The following CSPP1 variants were observed in gnomAD, a reference collection of about 807,000 sequenced individuals.
CSPP1 encodes the protein centrosome and spindle pole associated protein 1.
CSPP1 carries 126 observed loss-of-function variants against 164.4 expected under a neutral mutation model. The ratio of observed to expected loss-of-function variants is 0.77; its 90% CI spans 0.66 to 0.89. The LOEUF (loss-of-function observed/expected upper bound fraction) is 0.89. Ranked by LOEUF, CSPP1 falls within the 40% of genes least tolerant of loss-of-function variation. CSPP1 has a pLI of 0.00. For missense variants in CSPP1, 1,395 were observed against 1,449.8 expected, an observed-to-expected ratio of 0.96 and a Z score of 0.61; for synonymous variants, 472 against 476.7, an observed-to-expected ratio of 0.99 and a Z score of 0.13.
intron 9 of CSPP1, among the ~76,000 whole-genome samples, chr8:67,106,633 A>C (rs905253248): frequency 6.6e-6 from 1 of 152,182 alleles, no homozygotes; most frequent in African/African-American, 2.4e-5. Context: ...TTGTTTTGCT[A>C]TATTACACTT....
intron 3 of CSPP1, among the ~76,000 whole-genome samples, chr8:67,079,234 G>A (rs912658473): frequency 7.2e-5 from 11 of 152,054 alleles, no homozygotes; most frequent in Non-Finnish European, 1.3e-4. Flanking sequence ...GTTCTATTGC[G>A]AACTTGACCC....
chr8:67,118,246 A>G lies in CSPP1; in HGVS notation c.1497-2A>G. On this transcript the variant is annotated splice_acceptor_variant, in intron 13 of 30. Transcript: ENST00000678616. LOFTEE classifies it high-confidence loss of function. ...GAATTTTTCATCTTTCTTTTCATAC[A>G]GGATTGCACCTCTGCCTCCACCTCC... 6.2e-7 allele frequency: 1 copy of G among 1,612,294 alleles called. No homozygotes were observed. The highest frequency in any genetic ancestry group is 8.5e-7 in the Non-Finnish European group (1 of 1,179,204).
intron 15 of CSPP1, 36 bp from the exon 16 acceptor site, chr8:67,131,915 A>C: frequency 6.5e-7 from 1 of 1,541,282 alleles, no homozygotes; most frequent in Non-Finnish European, 8.8e-7. Context: ...CTTTGTCGTC[A>C]ATGGATTTAA....
At chr8:67,099,029 G>A (rs1813455556) in intron 7 of CSPP1, among the ~76,000 whole-genome samples, 1 of 151,356 alleles carries the variant, frequency 6.6e-6, no homozygotes, top group Non-Finnish European at 1.5e-5. Context: ...CCTATACCTG[G>A]TTTCTTTGGG....
chr8:67,135,711 CT>C (rs1354672327), intron 16 of CSPP1: 2 of 152,204 alleles, frequency 1.3e-5, no homozygotes, highest in African/African-American at 4.8e-5. Context: ...CATATGTTTA[CT>C]GGAGTGGCAC....
intron 3 of CSPP1, 91 bp from the exon 4 acceptor site, chr8:67,085,916 T>G: frequency 1.4e-6 from 1 of 698,662 alleles, no homozygotes; most frequent in Non-Finnish European, 2.6e-6. Context: ...TAAGCATAAT[T>G]CTGTTCCTTC....
intron 28 of CSPP1, among the ~76,000 whole-genome samples, chr8:67,184,965 AAGG>A (rs1322747425): frequency 1.4e-5 from 2 of 146,546 alleles, no homozygotes. Context: ...AAAAAAAAAA[AAGG>A]TGGTGGGCAC....
chr8:67,094,579 G>A (rs949316717), intron 6 of CSPP1, among the ~76,000 whole-genome samples: 1 of 151,708 alleles, frequency 6.6e-6, no homozygotes, highest in Non-Finnish European at 1.5e-5. Context: ...GCCACAGAAA[G>A]GTAAAATTTT....
intron 7 of CSPP1, among the ~76,000 whole-genome samples, chr8:67,098,060 A>G (rs868506616): frequency 6.6e-6 from 1 of 151,400 alleles, no homozygotes; most frequent in East Asian, 1.9e-4. Context: ...CAAAAAAAAA[A>G]AAAAGACCAG....
intron 7 of CSPP1, among the ~76,000 whole-genome samples, chr8:67,102,319 G>A (rs893354590): frequency 2.6e-5 from 4 of 152,130 alleles, no homozygotes; most frequent in South Asian, 2.1e-4. Context: ...ATGACAGGTC[G>A]CGGTGGCTCA....
intron 17 of CSPP1, 28 bp downstream of exon 17, chr8:67,137,631 A>C: frequency 1.4e-6 from 2 of 1,422,520 alleles, no homozygotes; most frequent in South Asian, 3.1e-5. Flanking sequence ...ACTTGTTTTT[A>C]AAATAAGCTA....
chr8:67,121,382 T>C (rs1465881595), intron 15 of CSPP1, among the ~76,000 whole-genome samples: 1 of 152,206 alleles, frequency 6.6e-6, no homozygotes, highest in Non-Finnish European at 1.5e-5. Flanking sequence ...GTTTTAACGA[T>C]GCAAGTGTTA....
intron 29 of CSPP1, among the ~76,000 whole-genome samples, chr8:67,191,523 G>T (rs907239525): frequency 1.3e-5 from 2 of 152,172 alleles, no homozygotes; most frequent in Non-Finnish European, 2.9e-5. Flanking sequence ...GTATAAATGA[G>T]ATCATACACT....
At chr8:67,109,329 GT>G (rs1162794168) in intron 9 of CSPP1, among the ~76,000 whole-genome samples, 1 of 152,152 alleles carries the variant, frequency 6.6e-6, no homozygotes, top group Admixed American at 6.6e-5. Context: ...CCTCACCATG[GT>G]TACTCACTTT....
At chr8:67,149,184 T>A (rs1325582838) in intron 17 of CSPP1, among the ~76,000 whole-genome samples, 1 of 152,208 alleles carries the variant, frequency 6.6e-6, no homozygotes, top group East Asian at 1.9e-4. Flanking sequence ...GGCAGTTGGC[T>A]TTCTTCAGAG....
chr8:67,104,967 T>TATATATATATATATATATA (rs61548979), intron 8 of CSPP1, among the ~76,000 whole-genome samples: 2 of 87,642 alleles, frequency 2.3e-5, no homozygotes, highest in African/African-American at 6.1e-5. Context: ...TATATATATA[T>TATATATATATATATATATA]TTTTTTTTTT....
chr8:67,115,757 T>C lies in CSPP1; in HGVS notation c.1288-157T>C, dbSNP rs1214532432. Among the ~76,000 whole-genome samples, 3 of 152,132 alleles carry C rather than the reference T, an allele frequency of 2.0e-5. No individual in the cohort carries two copies. In the East Asian group the frequency reaches 5.8e-4, roughly 29 times the overall value. ...AAAATTCTGTTATTCAGTAAATAAA[T>C]AAATAAAAATAGATATTCAGAGTCT... On this transcript the variant is annotated intron_variant, in intron 12 of 30. Transcript: ENST00000678616.
At chr8:67,065,614 C>A in intron 1 of CSPP1, 1 of 540,728 alleles carries the variant, frequency 1.8e-6, no homozygotes, top group Non-Finnish European at 2.4e-6. Flanking sequence ...TGCTGAAATG[C>A]TCCACAAGGA....
Position 67,196,089 on chromosome 8 carries a change from ACAG to A in CSPP1, c.*500_*502del, listed in dbSNP as rs1249958447. 2.6e-5 allele frequency: 4 copies of A among 153,830 alleles called. No individual in the cohort carries two copies. The East Asian group carries it at 7.6e-4, about 29-fold the overall frequency. 9.5% of individuals were successfully genotyped at this position (153,830 alleles called of 1,614,324 possible). ...TTTCATGTCATTTGTAGCTACTGAT[ACAG>A]CAGAAATGAAGGGAACTGTAATTAC... On this transcript the variant is annotated 3_prime_UTR_variant, in exon 31 of 31. Coordinates refer to ENST00000678616, the MANE Select transcript of CSPP1 (RefSeq NM_001382391.1).
Sources: allele counts gnomAD v4.1 joint callset (sites outside exome capture counted in the v4.1 genomes callset), GRCh38; gene constraint gnomAD v4.1.1; transcripts MANE v1.5; gene names NCBI Gene and HGNC (gene_info 2026-07-23, HGNC 2026-07-21).